VPS13B: variants seen among roughly 807,000 people sequenced by gnomAD.
The protein encoded by VPS13B is intermembrane lipid transfer protein VPS13B.
A neutral mutation model predicts 426.4 loss-of-function variants in VPS13B; 285 were observed. The ratio of observed to expected loss-of-function variants is 0.67; its 90% confidence interval spans 0.61 to 0.74. The LOEUF (loss-of-function observed/expected upper bound fraction) is 0.74, where lower values mean the gene tolerates loss of function less well. Ranked by LOEUF, VPS13B falls within the 30% of genes least tolerant of loss-of-function variation. The probability of loss-of-function intolerance (pLI) is 0.00; values close to 1 mark genes in which losing one functional copy is unlikely to be tolerated. For missense variants in VPS13B, 4,537 were observed against 4,782.6 expected, an observed-to-expected ratio of 0.95 and a Z score of 1.51; for synonymous variants, 1,676 against 1,676.4, an observed-to-expected ratio of 1.00 and a Z score of 0.01.
intron 8 of VPS13B, 36 bp from the exon 9 acceptor site, chr8:99,134,596 T>C (rs371631129): frequency 1.3e-6 from 2 of 1,504,544 alleles, no homozygotes; most frequent in Non-Finnish European, 1.8e-6. Context: ...TCTTTAATAC[T>C]AAATTTGATT....
At chr8:99,055,347 A>G (rs2132280101) in intron 3 of VPS13B, among the ~76,000 whole-genome samples, 1 of 151,786 alleles carries the variant, frequency 6.6e-6, no homozygotes. Context: ...GCCCTATTTT[A>G]TATTTCTTTT....
At chr8:99,567,271 C>A (rs1283291266) in intron 31 of VPS13B, among the ~76,000 whole-genome samples, 1 of 152,046 alleles carries the variant, frequency 6.6e-6, no homozygotes, top group African/African-American at 2.4e-5. Context: ...ACCAGCAGTT[C>A]CAGGTTATAG....
At position 99,047,330 on chromosome 8, in the gene VPS13B, T is replaced by C. The variant is rs577907765; in HGVS notation, c.291+8764T>C. ...TTTGTGCATGTAAAGGTGTTCACAG[T>C]AGCTTTCAATGATCCTTTGTATTTC... On this transcript the variant is annotated intron_variant, in intron 3 of 61. Transcript: ENST00000357162. Among the ~76,000 whole-genome samples, 18 of 152,344 alleles carry C rather than the reference T, an allele frequency of 1.2e-4. No individual in the cohort carries two copies. In the South Asian group the frequency reaches 3.7e-3, roughly 32 times the overall value.
chr8:99,795,797 C>T (rs957774527), intron 43 of VPS13B, among the ~76,000 whole-genome samples: 2 of 152,182 alleles, frequency 1.3e-5, no homozygotes, highest in Admixed American at 6.6e-5. Context: ...GAGAGTTGCT[C>T]GAGTAATCTC....
intron 17 of VPS13B, among the ~76,000 whole-genome samples, chr8:99,262,907 G>A (rs539884985): frequency 6.6e-6 from 1 of 151,972 alleles, no homozygotes; most frequent in Admixed American, 6.6e-5. Context: ...CAAGTAGCTG[G>A]GACCACAGGT....
chr8:99,209,920 A>G (rs1441184321), intron 17 of VPS13B: 1 of 192,590 alleles, frequency 5.2e-6, no homozygotes, highest in African/African-American at 2.4e-5. Context: ...TTTTTTTTTT[A>G]AGGACAAGAG....
At chr8:99,408,625 G>T (rs139243600) in intron 21 of VPS13B, among the ~76,000 whole-genome samples, 1 of 152,156 alleles carries the variant, frequency 6.6e-6, no homozygotes, top group South Asian at 2.1e-4. Flanking sequence ...GAGATGTTCA[G>T]TACGCAGTTG....
intron 55 of VPS13B, among the ~76,000 whole-genome samples, chr8:99,851,208 T>C (rs1242638753): frequency 1.3e-5 from 2 of 152,190 alleles, no homozygotes; most frequent in African/African-American, 4.8e-5. Flanking sequence ...CAAACTTTCA[T>C]GAGAAAGGTA....
chr8:99,074,031 G>A (rs1357431521), intron 3 of VPS13B, among the ~76,000 whole-genome samples: 1 of 152,088 alleles, frequency 6.6e-6, no homozygotes, highest in Non-Finnish European at 1.5e-5. Context: ...GCCTCCCAAA[G>A]TACTGGGATT....
At chr8:99,549,760 C>T (rs1297292867) in intron 30 of VPS13B, among the ~76,000 whole-genome samples, 1 of 152,128 alleles carries the variant, frequency 6.6e-6, no homozygotes, top group Non-Finnish European at 1.5e-5. Context: ...TCCCCTGCCT[C>T]TCTCCAGGCC....
chr8:99,216,386 A>C (rs1215859744), intron 17 of VPS13B, among the ~76,000 whole-genome samples: 1 of 151,958 alleles, frequency 6.6e-6, no homozygotes, highest in Non-Finnish European at 1.5e-5. Flanking sequence ...CTCTCCTCCC[A>C]TGTCTCTTAG....
At chr8:99,042,693 C>A (rs2132234533) in intron 3 of VPS13B, among the ~76,000 whole-genome samples, 1 of 152,208 alleles carries the variant, frequency 6.6e-6, no homozygotes, top group Admixed American at 6.5e-5. Context: ...TGCTGTGTTG[C>A]CCAGGCTGGT....
At position 99,507,910 on chromosome 8, in the gene VPS13B, C is replaced by G. The variant is rs1821585422; in HGVS notation, c.4224+707C>G. 4 of 1,613,876 alleles carry G rather than the reference C, an allele frequency of 2.5e-6. No homozygotes were observed. Among genetic ancestry groups the G allele is most frequent in the Non-Finnish European group, 1.7e-6 (2 of 1,179,944 alleles). On this transcript the variant is annotated intron_variant, in intron 28 of 61. Transcript: ENST00000357162. ...AGTAATTGCTCTGGCTTCTTTCCTT[C>G]TGTAAGAAATTACTTTAAATTATGC...
chr8:99,296,918 G>A (rs1354781325), intron 19 of VPS13B, among the ~76,000 whole-genome samples: 2 of 152,086 alleles, frequency 1.3e-5, no homozygotes, highest in Non-Finnish European at 2.9e-5. Context: ...AATATTTATA[G>A]ATTACACAGT....
At chr8:99,347,764 G>T (rs565316095) in intron 19 of VPS13B, 28 of 152,328 alleles carry the variant, frequency 1.8e-4, no homozygotes, top group African/African-American at 6.5e-4. Flanking sequence ...ATTGAGGTGT[G>T]GGAGTAGTGG....
chr8:99,405,297 A>G (rs929902476), intron 21 of VPS13B, among the ~76,000 whole-genome samples: 3 of 152,130 alleles, frequency 2.0e-5, no homozygotes, highest in African/African-American at 7.2e-5. Flanking sequence ...AAATTTATAC[A>G]ACTGTGTACC....
intron 31 of VPS13B, among the ~76,000 whole-genome samples, chr8:99,566,131 G>C (rs188875962): frequency 1.2e-4 from 19 of 152,248 alleles, no homozygotes; most frequent in African/African-American, 3.9e-4. Context: ...TGTTGGCTGA[G>C]AGTGTCCTGT....
At chr8:99,260,786 A>C (rs1817999599) in intron 17 of VPS13B, among the ~76,000 whole-genome samples, 2 of 151,940 alleles carry the variant, frequency 1.3e-5, no homozygotes, top group South Asian at 4.2e-4. Flanking sequence ...GAAGAACCAA[A>C]CTCTGTCCCC....
At chr8:99,435,761 A>G (rs1163112477) in intron 22 of VPS13B, among the ~76,000 whole-genome samples, 1 of 152,136 alleles carries the variant, frequency 6.6e-6, no homozygotes, top group Non-Finnish European at 1.5e-5. Flanking sequence ...GATCTTCTAG[A>G]TTCTTGTTTT....
Sources: gnomAD v4.1 joint callset for allele counts (sites outside exome capture counted in the v4.1 genomes callset) on GRCh38, gnomAD v4.1.1 for gene constraint, MANE v1.5 for transcripts, NCBI Gene and HGNC (gene_info 2026-07-23, HGNC 2026-07-21) for gene names.